The following RCAN3 variants were observed in gnomAD, a reference collection of about 807,000 sequenced individuals.
RCAN3 encodes calcipressin-3.
Under a neutral mutation model 21.9 loss-of-function variants are expected in RCAN3, and 19 were observed. The ratio of observed to expected loss-of-function variants is 0.87; its 90% CI spans 0.61 to 1.27. The LOEUF (loss-of-function observed/expected upper bound fraction) is 1.27. Among genes scored for constraint, RCAN3 ranks in the 50% most tolerant of loss-of-function variants. The probability of loss-of-function intolerance (pLI) is 0.00; values close to 1 mark genes in which losing one functional copy is unlikely to be tolerated. For missense variants in RCAN3, 240 were observed against 300.1 expected, an observed-to-expected ratio of 0.80 and a Z score of 1.48; for synonymous variants, 114 against 112.3, an observed-to-expected ratio of 1.01 and a Z score of -0.09.
chr1:24,539,398 G>C lies in RCAN3; in HGVS notation c.*4121G>C, dbSNP rs141934713. 6.6e-6 allele frequency: 1 copy of C among 152,306 alleles called. No individual in the cohort carries two copies. The highest frequency in any genetic ancestry group is 1.5e-5 in the Non-Finnish European group (1 of 68,024). The allele number at this position is 152,306 out of a possible 1,614,324, so 9.4% of individuals were successfully genotyped here. Reference sequence around the variant, plus strand: ...TGTTATCATTGAACCATTGGGGCTGGAATCTGCCTAAATAATTTTATCTTG... The same window carrying C: ...TGTTATCATTGAACCATTGGGGCTGCAATCTGCCTAAATAATTTTATCTTG... On this transcript the variant is annotated 3_prime_UTR_variant, in exon 5 of 5. Coordinates refer to ENST00000374395, the MANE Select transcript of RCAN3 (RefSeq NM_013441.4).
chr1:24,510,758 G>A (rs902575616), intron 1 of RCAN3, among the ~76,000 whole-genome samples: 3 of 152,176 alleles, frequency 2.0e-5, no homozygotes, highest in Non-Finnish European at 4.4e-5. Context: ...TTCACAACTT[G>A]ACTGATTGGT....
intron 1 of RCAN3, among the ~76,000 whole-genome samples, chr1:24,513,192 G>T (rs531313278): frequency 5.3e-5 from 8 of 152,204 alleles, no homozygotes; most frequent in African/African-American, 1.9e-4. Flanking sequence ...AGCCGAGATT[G>T]TGCCACTGCA....
At chr1:24,518,568 T>C (rs2148899941) in intron 2 of RCAN3, among the ~76,000 whole-genome samples, 1 of 151,262 alleles carries the variant, frequency 6.6e-6, no homozygotes, top group South Asian at 2.1e-4. Context: ...GCTTGTTTGC[T>C]GTCTTTAACC....
At position 24,538,021 on chromosome 1, in the gene RCAN3, T is replaced by C. The variant is rs975562970; in HGVS notation, c.*2744T>C. On this transcript the variant is annotated 3_prime_UTR_variant, in exon 5 of 5. Transcript: ENST00000374395. Reference sequence around the variant, plus strand: ...TGAGGAAAGATAATGGTGCTTTGTGTTGGGAAAAAAACATTTGTGAAGGAT... The same window carrying C: ...TGAGGAAAGATAATGGTGCTTTGTGCTGGGAAAAAAACATTTGTGAAGGAT... 2.6e-5 allele frequency: 4 copies of C among 152,184 alleles called. No homozygotes were observed. Among genetic ancestry groups the C allele is most frequent in the African/African-American group, 9.6e-5 (4 of 41,460 alleles). 9.4% of individuals were successfully genotyped at this position (152,184 alleles called of 1,614,324 possible).
intron 2 of RCAN3, among the ~76,000 whole-genome samples, chr1:24,521,360 T>C (rs1557571952): frequency 6.6e-6 from 1 of 151,498 alleles, no homozygotes; most frequent in Non-Finnish European, 1.5e-5. Context: ...AGCGCAGGAG[T>C]TTGAGGCCAG....
chr1:24,512,963 C>T (rs746447636), intron 1 of RCAN3, among the ~76,000 whole-genome samples: 5 of 152,238 alleles, frequency 3.3e-5, no homozygotes, highest in Admixed American at 1.3e-4. Context: ...AGGGACCAGG[C>T]GCGGTGGCTC....
intron 2 of RCAN3, among the ~76,000 whole-genome samples, chr1:24,524,882 T>G (rs1327108934): frequency 6.9e-6 from 1 of 145,094 alleles, no homozygotes; most frequent in Non-Finnish European, 1.5e-5. Flanking sequence ...CAGGCTGGAG[T>G]GCAGTGGCAC....
intron 2 of RCAN3, among the ~76,000 whole-genome samples, chr1:24,521,721 G>A (rs537966762): frequency 2.0e-5 from 3 of 152,146 alleles, no homozygotes; most frequent in South Asian, 2.1e-4. Flanking sequence ...GGTGGTATAC[G>A]CCTGTAGTCC....
rs549523826 is a variant in RCAN3, at chr1:24,539,719, G to C, written c.*4442G>C. The C allele has an allele frequency of 3.2e-4, 48 of 152,326 alleles. No homozygotes were observed. The highest frequency in any genetic ancestry group is 1.1e-3 in the African/African-American group (46 of 41,562). 9.4% of individuals were successfully genotyped at this position (152,326 alleles called of 1,614,324 possible). ...GGAAAATCTCACACATAATTAAGCA[G>C]TGGAAAATGTGCTCAATGCTATGGT... is the stretch of plus-strand genomic sequence containing the variant. On this transcript the variant is annotated 3_prime_UTR_variant, in exon 5 of 5. Transcript: ENST00000374395.
At position 24,539,011 on chromosome 1, in the gene RCAN3, T is replaced by C. The variant is rs1557584989; in HGVS notation, c.*3734T>C. 6.6e-6 allele frequency: 1 copy of C among 152,160 alleles called. No individual in the cohort carries two copies. The highest frequency in any genetic ancestry group is 1.9e-4 in the East Asian group (1 of 5,198). 9.4% of individuals were successfully genotyped at this position (152,160 alleles called of 1,614,324 possible). On this transcript the variant is annotated 3_prime_UTR_variant, in exon 5 of 5. Transcript: ENST00000374395. ...ATTACAAAGTGAAAAGATTTGGCTT[T>C]CTTAGAGGCTCAATCACAGAGGTGA...
intron 2 of RCAN3, among the ~76,000 whole-genome samples, chr1:24,529,322 G>T (rs1019276656): frequency 6.6e-6 from 1 of 151,742 alleles, no homozygotes; most frequent in Non-Finnish European, 1.5e-5. Flanking sequence ...GGAGGGCAAG[G>T]TAGGAAGATT....
At chr1:24,513,923 A>G (rs1337220694) in intron 1 of RCAN3, among the ~76,000 whole-genome samples, 1 of 152,228 alleles carries the variant, frequency 6.6e-6, no homozygotes, top group Non-Finnish European at 1.5e-5. Flanking sequence ...TGGCTGTGCC[A>G]GTTACAGTGT....
At position 24,538,418 on chromosome 1, in the gene RCAN3, A is replaced by G. The variant is rs1282512924; in HGVS notation, c.*3141A>G. 1 of 151,370 alleles carries G rather than the reference A, an allele frequency of 6.6e-6. No individual in the cohort carries two copies. Among genetic ancestry groups the G allele is most frequent in the East Asian group, 1.9e-4 (1 of 5,178 alleles). The allele number at this position is 151,370 out of a possible 1,614,324, so 9.4% of individuals were successfully genotyped here. On this transcript the variant is annotated 3_prime_UTR_variant, in exon 5 of 5. Coordinates refer to ENST00000374395, the MANE Select transcript of RCAN3 (RefSeq NM_013441.4). ...TTTATTTTTATTTATTTATTTATTT[A>G]TTTTGAGACAGAGTCTCACTCTGTC...
Position 24,514,356 on chromosome 1 carries a change from G to A in RCAN3, c.-17G>A. 6.2e-7 allele frequency: 1 copy of A among 1,604,428 alleles called. No individual in the cohort carries two copies. The highest frequency in any genetic ancestry group is 8.5e-7 in the Non-Finnish European group (1 of 1,175,136). ...TCCTAGGACTATACAGAAGGAAAAG[G>A]CCCACTTTGGGGGATAATGCTGAGG... On this transcript the variant is annotated 5_prime_UTR_variant, in exon 2 of 5. Coordinates refer to ENST00000374395, the MANE Select transcript of RCAN3 (RefSeq NM_013441.4).
chr1:24,513,186 G>A (rs932386475), intron 1 of RCAN3, among the ~76,000 whole-genome samples: 15 of 152,202 alleles, frequency 9.9e-5, no homozygotes, highest in Non-Finnish European at 1.6e-4. Flanking sequence ...GCAGTGAGCC[G>A]AGATTGTGCC....
At chr1:24,508,704 G>A (rs186973613) in intron 1 of RCAN3, among the ~76,000 whole-genome samples, 17 of 152,176 alleles carry the variant, frequency 1.1e-4, no homozygotes, top group Admixed American at 2.0e-4. Flanking sequence ...GATATCGCGG[G>A]TTTCGTTACA....
At chr1:24,518,582 GT>G (rs111922082) in intron 2 of RCAN3, among the ~76,000 whole-genome samples, 10,912 of 146,876 alleles carry the variant, frequency 0.074, 944 homozygotes, top group African/African-American at 0.21. Context: ...TTTAACCCCA[GT>G]TTTTTTTTTT....
At position 24,506,396 on chromosome 1, in the gene RCAN3, T is replaced by C. The variant is rs151310294; in HGVS notation, c.-60+3246T>C. Among the ~76,000 whole-genome samples the C allele has an allele frequency of 5.3e-5, 8 of 152,354 alleles. No homozygotes were observed. In the East Asian group the frequency reaches 9.6e-4, roughly 18 times the overall value. Reference sequence around the variant, plus strand: ...ACTGATAAAATTTGAATCCAGATTATGCATTTGACAAATTATGTATTAGAT... The same window carrying C: ...ACTGATAAAATTTGAATCCAGATTACGCATTTGACAAATTATGTATTAGAT... On this transcript the variant is annotated intron_variant, in intron 1 of 4. Transcript: ENST00000374395.
rs1274895304 is a variant in RCAN3 at position 24,535,315 on chromosome 1, G to T, written c.*38G>T. The T allele has an allele frequency of 6.7e-7, 1 of 1,500,526 alleles. No homozygotes were observed. The highest frequency in any genetic ancestry group is 1.4e-5 in the African/African-American group (1 of 70,262). 93.0% of individuals were successfully genotyped at this position (1,500,526 alleles called of 1,614,324 possible). A position where few individuals can be genotyped will look rare whatever the true frequency, so the allele number is the denominator to read the frequency against. On this transcript the variant is annotated 3_prime_UTR_variant, in exon 5 of 5. Transcript: ENST00000374395. Reference sequence around the variant, plus strand: ...TGGTGCGAGGCGGCTGCCCTGGTGGGCTCTGGCCATGGCGCTCTGTGCCTG... The same window carrying T: ...TGGTGCGAGGCGGCTGCCCTGGTGGTCTCTGGCCATGGCGCTCTGTGCCTG...
Sources: allele counts gnomAD v4.1 joint callset (sites outside exome capture counted in the v4.1 genomes callset), GRCh38; gene constraint gnomAD v4.1.1; transcripts MANE v1.5; gene names NCBI Gene and HGNC (gene_info 2026-07-23, HGNC 2026-07-21).